Variants in MTAP observed in about 807,000 individuals in gnomAD.
MTAP encodes S-methyl-5'-thioadenosine phosphorylase.
In MTAP, 33 loss-of-function variants were observed where a neutral mutation model predicts 33.6. The observed-to-expected ratio is 0.98, with a 90% CI of 0.74 to 1.31. MTAP has a LOEUF of 1.31. Among genes scored for constraint, MTAP ranks in the 40% most tolerant of loss-of-function variants. The pLI is 0.00. For missense variants in MTAP, 367 were observed against 360.0 expected, an observed-to-expected ratio of 1.02 and a Z score of -0.16; for synonymous variants, 148 against 125.7, an observed-to-expected ratio of 1.18 and a Z score of -1.19.
Position 21,866,606 on chromosome 9 carries a change from CT to C in MTAP, c.*4594del, listed in dbSNP as rs1297610151. On this transcript the variant is annotated 3_prime_UTR_variant, in exon 8 of 8. Coordinates refer to ENST00000644715, the MANE Select transcript of MTAP (RefSeq NM_002451.4). ...ATTTATGTCATTTATCTATGTGTCT[CT>C]TCTTATGCCAGTACCCCACTGTCTT... is the stretch of plus-strand genomic sequence containing the variant. 1 of 152,104 alleles carries C rather than the reference CT, an allele frequency of 6.6e-6. No individual in the cohort carries two copies. Among genetic ancestry groups the C allele is most frequent in the East Asian group, 1.9e-4 (1 of 5,202 alleles). 9.4% of individuals were successfully genotyped at this position (152,104 alleles called of 1,614,324 possible).
At chr9:21,901,262 C>T (rs1207133751) in intron 1 of MTAP, among the ~76,000 whole-genome samples, 1 of 152,142 alleles carries the variant, frequency 6.6e-6, no homozygotes, top group Non-Finnish European at 1.5e-5. Context: ...TGGAAAGGCT[C>T]AATGTTACAA....
chr9:21,806,459 A>T (rs966199518), intron 1 of MTAP, among the ~76,000 whole-genome samples: 1 of 152,046 alleles, frequency 6.6e-6, no homozygotes, highest in African/African-American at 2.4e-5. Flanking sequence ...TTCCTCCCAG[A>T]TACTGCTGGT....
At chr9:21,804,420 T>C (rs1202000234) in intron 1 of MTAP, among the ~76,000 whole-genome samples, 1 of 152,188 alleles carries the variant, frequency 6.6e-6, no homozygotes, top group East Asian at 1.9e-4. Context: ...GCAGTGCATT[T>C]AAGTGCAGAA....
chr9:21,833,846 A>G (rs905991130), intron 4 of MTAP, among the ~76,000 whole-genome samples: 1 of 152,190 alleles, frequency 6.6e-6, no homozygotes, highest in Non-Finnish European at 1.5e-5. Flanking sequence ...AAGCCAATGT[A>G]AGAGTCTTGA....
chr9:21,868,061 A>G (rs1200904123), downstream of MTAP, among the ~76,000 whole-genome samples: 3 of 152,190 alleles, frequency 2.0e-5, no homozygotes, highest in Non-Finnish European at 4.4e-5. Context: ...TATACTTCAT[A>G]TTTCCAGAAA....
intron 5 of MTAP, among the ~76,000 whole-genome samples, chr9:21,848,477 T>C (rs1183456997): frequency 1.3e-5 from 2 of 151,980 alleles, no homozygotes; most frequent in Non-Finnish European, 2.9e-5. Flanking sequence ...GCTCTGGGAG[T>C]TAAAAAAGGT....
chr9:21,850,177 G>A (rs1188391864), intron 5 of MTAP, among the ~76,000 whole-genome samples: 3 of 152,226 alleles, frequency 2.0e-5, no homozygotes. Flanking sequence ...GCATTTGCAT[G>A]CCAGAGGATG....
rs748467632 is a variant in MTAP, at chr9:21,816,749, T to C, written c.156T>C (p.Asn52=). 6.2e-7 allele frequency: 1 copy of C among 1,612,420 alleles called. No individual in the cohort carries two copies. Among genetic ancestry groups the C allele is most frequent in the East Asian group, 2.2e-5 (1 of 44,810 alleles). Residue 52 remains asparagine (N), a synonymous_variant, in exon 3 of 8, where the codon AAT becomes AAC. Coordinates refer to ENST00000644715, the MANE Select transcript of MTAP (RefSeq NM_002451.4). ...CCTTAATTTTGGGGAAGATAAAAAA[T>C]GTTGATTGCGTCCTCCTTGCAAGGT... is the stretch of plus-strand genomic sequence containing the variant. ...SDALILGKIK[N]VDCVLLARHG...
intron 1 of MTAP, among the ~76,000 whole-genome samples, chr9:21,806,532 G>A (rs770694111): frequency 6.6e-6 from 1 of 152,116 alleles, no homozygotes; most frequent in Middle Eastern, 3.2e-3. Context: ...TGGGTGGCAG[G>A]TTGAGGGAGG....
rs760018815 is a variant in MTAP, at chr9:21,864,149, G to A, written c.*2135G>A. The A allele has an allele frequency of 6.1e-6, 6 of 985,312 alleles. No homozygotes were observed. Among genetic ancestry groups the A allele is most frequent in the African/African-American group, 1.7e-5 (1 of 57,246 alleles). The allele number at this position is 985,312 out of a possible 1,614,324, so 61.0% of individuals were successfully genotyped here. A position where few individuals can be genotyped will look rare whatever the true frequency, so the allele number is the denominator to read the frequency against. ...CAGAAAGTACAGTTCTCTCCAACTT[G>A]CAGAGGTACTTTTCTTGATTAAATA... On this transcript the variant is annotated 3_prime_UTR_variant, in exon 8 of 8. Transcript: ENST00000644715.
At chr9:21,856,059 T>G in intron 6 of MTAP, 1 of 600,178 alleles carries the variant, frequency 1.7e-6, no homozygotes, top group Non-Finnish European at 2.1e-6. Context: ...CTTGTCTCTT[T>G]TAATCTAATT....
At chr9:21,879,008 G>T (rs1382551426) in intron 1 of MTAP, among the ~76,000 whole-genome samples, 1 of 152,140 alleles carries the variant, frequency 6.6e-6, no homozygotes, top group Non-Finnish European at 1.5e-5. Context: ...TTGCCATGTG[G>T]CAGTGAGAAG....
intron 6 of MTAP, among the ~76,000 whole-genome samples, chr9:21,855,273 G>A (rs1314619403): frequency 4.6e-5 from 7 of 152,278 alleles, no homozygotes; most frequent in Admixed American, 6.5e-5. Context: ...TTAACGTACC[G>A]TGGCTGGATA....
intron 1 of MTAP, among the ~76,000 whole-genome samples, chr9:21,875,365 T>C (rs565817831): frequency 6.6e-6 from 1 of 152,170 alleles, no homozygotes; most frequent in Non-Finnish European, 1.5e-5. Flanking sequence ...GAGCTTTTTT[T>C]CATGTTTGTT....
At chr9:21,895,470 G>C (rs1051569484) in intron 1 of MTAP, among the ~76,000 whole-genome samples, 3 of 152,126 alleles carry the variant, frequency 2.0e-5, no homozygotes, top group Non-Finnish European at 4.4e-5. Context: ...ATCTCACTGG[G>C]GCTTGTCAGA....
rs780101704 is a variant in MTAP, at chr9:21,818,173, T to C, written c.318T>C (p.Asp106=). ...GSLREEIQPG[D]IVIIDQFIDR... ...TGAGGGAGGAGATTCAGCCCGGCGA[T>C]ATTGTCATTATTGATCAGTTCATTG... Residue 106 remains aspartate, a synonymous_variant, in exon 4 of 8, where the codon GAT becomes GAC. Transcript: ENST00000644715. 4.2e-5 allele frequency: 68 copies of C among 1,613,876 alleles called. 1 individual carries two copies. In the Admixed American group the frequency reaches 4.5e-4, roughly 11 times the overall value.
intron 4 of MTAP, among the ~76,000 whole-genome samples, chr9:21,832,076 G>C (rs143480388): frequency 7.2e-5 from 11 of 152,188 alleles, no homozygotes; most frequent in Non-Finnish European, 1.5e-4. Flanking sequence ...TAAAAGTTCT[G>C]GTATCCTCCC....
In MTAP at chr9:21,864,535, T is replaced by C; in HGVS notation, c.*2521T>C. On this transcript the variant is annotated 3_prime_UTR_variant, in exon 8 of 8. Coordinates refer to ENST00000644715, the MANE Select transcript of MTAP (RefSeq NM_002451.4). ...TTGTTGGCCTTATAATCTGCTGTTA[T>C]ATTTGGCATGGATTTTCATGGTTTT... The C allele has an allele frequency of 2.0e-6, 2 of 985,430 alleles. No homozygotes were observed. Among genetic ancestry groups the C allele is most frequent in the South Asian group, 9.4e-5 (2 of 21,290 alleles). 61.0% of individuals were successfully genotyped at this position (985,430 alleles called of 1,614,324 possible).
At chr9:21,910,535 C>T (rs1818555478) in intron 1 of MTAP, among the ~76,000 whole-genome samples, 1 of 151,968 alleles carries the variant, frequency 6.6e-6, no homozygotes, top group South Asian at 2.1e-4. Context: ...CACATGCATG[C>T]CTGAAGACTG....
Sources: gnomAD v4.1 joint callset for allele counts (sites outside exome capture counted in the v4.1 genomes callset) on GRCh38, gnomAD v4.1.1 for gene constraint, MANE v1.5 for transcripts, NCBI Gene and HGNC (gene_info 2026-07-23, HGNC 2026-07-21) for gene names.